ABCC12: variants seen among roughly 807,000 people sequenced by gnomAD.
The protein encoded by ABCC12 is ATP-binding cassette sub-family C member 12.
ABCC12 carries 142 observed loss-of-function variants against 151.1 expected under a neutral mutation model. The observed-to-expected ratio is 0.94, with a 90% confidence interval of 0.82 to 1.08. The LOEUF is 1.08. Ranked by LOEUF, ABCC12 falls within the 50% of genes least tolerant of loss-of-function variation. ABCC12 has a pLI of 0.00. For missense variants in ABCC12, 1,638 were observed against 1,691.1 expected (o/e 0.97, Z 0.55); for synonymous variants, 645 against 646.4 (o/e 1.00, Z 0.03).
At chr16:48,136,219 C>G (rs111878494) in intron 8 of ABCC12, among the ~76,000 whole-genome samples, 52 of 152,274 alleles carry the variant, frequency 3.4e-4, no homozygotes, top group Admixed American at 1.1e-3. Flanking sequence ...GAACATCCAG[C>G]ACCCCCTAGT....
intron 9 of ABCC12, among the ~76,000 whole-genome samples, chr16:48,132,873 G>A (rs1964475779): frequency 6.6e-6 from 1 of 152,126 alleles, no homozygotes. Context: ...CGTCCCATTT[G>A]CAGATTACAA....
intron 2 of ABCC12, among the ~76,000 whole-genome samples, chr16:48,150,266 A>T (rs1285890083): frequency 6.6e-6 from 1 of 152,208 alleles, no homozygotes; most frequent in African/African-American, 2.4e-5. Flanking sequence ...TCCACAGAGG[A>T]TGGAATCTCA....
At position 48,091,047 on chromosome 16, in the gene ABCC12, A is replaced by G. The variant is rs1962863084; in HGVS notation, c.3285+73T>C. 83 of 1,440,100 alleles carry G rather than the reference A, an allele frequency of 5.8e-5. No homozygotes were observed. The South Asian group carries it at 9.4e-4, about 16-fold the overall frequency. 89.2% of individuals were successfully genotyped at this position (1,440,100 alleles called of 1,614,324 possible). Reference sequence around the variant, plus strand: ...TTTTAAAAAGACCCCTTTCGCATCTAAAAAGATCCAGTATTTGCCCAAGTC... The same window carrying G: ...TTTTAAAAAGACCCCTTTCGCATCTGAAAAGATCCAGTATTTGCCCAAGTC... On this transcript the variant is annotated intron_variant, in intron 25 of 30. Transcript: ENST00000311303.
chr16:48,094,411 G>A (rs962583329), intron 24 of ABCC12, among the ~76,000 whole-genome samples: 2 of 152,206 alleles, frequency 1.3e-5, no homozygotes, highest in Non-Finnish European at 1.5e-5. Flanking sequence ...GATGGAAAGA[G>A]GACGAAAGCC....
chr16:48,153,023 C>G (rs1029067215), intron 2 of ABCC12, among the ~76,000 whole-genome samples: 1 of 152,116 alleles, frequency 6.6e-6, no homozygotes, highest in Non-Finnish European at 1.5e-5. Context: ...TCAAGTCACC[C>G]GCCTGACCCT....
chr16:48,084,598 A>G (rs1962502475), intron 29 of ABCC12, among the ~76,000 whole-genome samples: 1 of 152,206 alleles, frequency 6.6e-6, no homozygotes, highest in African/African-American at 2.4e-5. Context: ...CTTGGCCCAC[A>G]GCCCCTCCTG....
At chr16:48,087,326 C>A (rs1962659462) in intron 27 of ABCC12, 1 of 158,518 alleles carries the variant, frequency 6.3e-6, no homozygotes, top group South Asian at 1.9e-4. Context: ...ACAGTAAATA[C>A]AGTTACCCTA....
chr16:48,111,379 G>A (rs1018914920), intron 18 of ABCC12, 57 bp downstream of exon 18: 148 of 1,570,092 alleles, frequency 9.4e-5, no homozygotes, highest in South Asian at 6.6e-4. Flanking sequence ...TATCCCAAAC[G>A]GTAGATGCCC....
At position 48,091,168 on chromosome 16, in the gene ABCC12, C is replaced by T. The variant is rs774434636; in HGVS notation, c.3237G>A (p.Glu1079=). ...CCACGGAGGTGAATTTGGCTTGCGT[C>T]TCTGTTCCCGTTCGCACACACACTT... ...LLQVCVRTGT[E]TQAKFTSVEL... Residue 1079 remains glutamate (E), a synonymous_variant, in exon 25 of 31, where the codon GAG becomes GAA. Coordinates refer to ENST00000311303, the MANE Select transcript of ABCC12 (RefSeq NM_001393797.1). 1.4e-4 allele frequency: 229 copies of T among 1,614,174 alleles called. 2 individuals are homozygous for T. Among genetic ancestry groups the T allele is most frequent in the Middle Eastern group, 4.9e-4 (3 of 6,062 alleles).
intron 28 of ABCC12, 104 bp downstream of exon 28, chr16:48,086,637 G>A: frequency 1.0e-6 from 1 of 952,954 alleles, no homozygotes; most frequent in Non-Finnish European, 1.7e-6. Flanking sequence ...AAATAAACCT[G>A]GCTAAGTGCT....
In ABCC12 at chr16:48,119,661, A is replaced by C. The variant is rs1396657893; in HGVS notation, c.1712+2055T>G. 3.3e-5 allele frequency among the ~76,000 whole-genome samples: 5 copies of C among 152,252 alleles called. No individual in the cohort carries two copies. In the East Asian group the frequency reaches 9.6e-4, roughly 29 times the overall value. ...TCTTGATGAGAACATACATGCTGCC[A>C]TACCAGCCAGCAGGGACAGAGTTGG... On this transcript the variant is annotated intron_variant, in intron 13 of 30. Transcript: ENST00000311303.
chr16:48,115,407 C>T lies in ABCC12; in HGVS notation c.1989+8G>A. 1.2e-6 allele frequency: 2 copies of T among 1,613,538 alleles called. No individual in the cohort carries two copies. Among genetic ancestry groups the T allele is most frequent in the Non-Finnish European group, 1.7e-6 (2 of 1,179,710 alleles). On this transcript the variant is annotated splice_region_variant and intron_variant, in intron 15 of 30. Transcript: ENST00000311303. ...CCGTGACCTCCTGGATCCTGCATGT[C>T]CCATCACCTGTAGCTGGTGGGTCAC...
chr16:48,085,655 T>G lies in ABCC12; in HGVS notation c.3766A>C (p.Asn1256His), dbSNP rs745504871. Residue 1256 changes from asparagine (N) to histidine (H), a missense_variant, in exon 29 of 31, where the codon AAC becomes CAC. Coordinates refer to ENST00000311303, the MANE Select transcript of ABCC12 (RefSeq NM_001393797.1). ...AGCTGACGTTCCCCTACTGAGAAGT[T>G]TTCTCCATTTTCTGTGACTTCTGCC... ...LQAEVTENGE[N>H]FSVGERQLLC... The G allele has an allele frequency of 8.7e-6, 14 of 1,614,194 alleles. No homozygotes were observed. The South Asian group carries it at 1.5e-4, about 18-fold the overall frequency.
At position 48,091,132 on chromosome 16, in the gene ABCC12, C is replaced by T. The variant is rs902255107; in HGVS notation, c.3273G>A (p.Arg1091=). 6.2e-7 allele frequency: 1 copy of T among 1,614,186 alleles called. No individual in the cohort carries two copies. Residue 1091 remains arginine (R), a synonymous_variant, in exon 25 of 31, where the codon AGG becomes AGA. Transcript: ENST00000311303. Reference sequence around the variant, plus strand: ...ACTAATTTCTTACCGAAATGTATTCCCTGAGCAGCTCCACGGAGGTGAATT... The same window carrying T: ...ACTAATTTCTTACCGAAATGTATTCTCTGAGCAGCTCCACGGAGGTGAATT... The part of the protein sequence containing the change: ...QAKFTSVELL[R]EYISTCVPEC...
intron 3 of ABCC12, 134 bp from the exon 4 acceptor site, chr16:48,144,199 T>C: frequency 8.6e-7 from 1 of 1,168,788 alleles, no homozygotes; most frequent in Non-Finnish European, 1.2e-6. Flanking sequence ...ATTATGTTTA[T>C]TAGCCCTTTG....
chr16:48,122,228 G>A (rs1964095413), intron 12 of ABCC12, among the ~76,000 whole-genome samples: 1 of 152,214 alleles, frequency 6.6e-6, no homozygotes, highest in South Asian at 2.1e-4. Context: ...TGCTCAGCCA[G>A]GCCCTGGGAG....
intron 13 of ABCC12, among the ~76,000 whole-genome samples, chr16:48,119,258 G>A (rs994078980): frequency 1.4e-4 from 21 of 152,164 alleles, no homozygotes; most frequent in Non-Finnish European, 2.6e-4. Context: ...ATCCGAGCAC[G>A]GTCTACTGCC....
chr16:48,084,079 G>C lies in ABCC12; in HGVS notation c.3829-6C>G, dbSNP rs775536359. On this transcript the variant is annotated splice_polypyrimidine_tract_variant and splice_region_variant and intron_variant, in intron 29 of 30. Transcript: ENST00000311303. ...GCTTCATCAAGGAGAATGATCTGTG[G>C]AGGAGGAAACATTATAAGCCAAAGG... 4.4e-6 allele frequency: 7 copies of C among 1,603,290 alleles called. No individual in the cohort carries two copies. In the African/African-American group the frequency reaches 6.7e-5, roughly 15 times the overall value.
chr16:48,111,648 A>G lies in ABCC12; in HGVS notation c.2139T>C (p.Leu713=). 1.2e-6 allele frequency: 2 copies of G among 1,613,972 alleles called. No individual in the cohort carries two copies. Among genetic ancestry groups the G allele is most frequent in the Admixed American group, 3.3e-5 (2 of 59,990 alleles). The change falls in exon 17 of 31, where the codon CTT becomes CTC. Residue 713 remains leucine, a synonymous_variant. Transcript: ENST00000311303. ...AGGCTTCCACCATTGCTGCATTGTAAAGGTGTTCAGGATCCTGGAGACAAA... is the reference window on the plus strand; with the variant it reads ...AGGCTTCCACCATTGCTGCATTGTAGAGGTGTTCAGGATCCTGGAGACAAA... ...RGLQFKDPEH[L]YNAAMVEAFK... is the part of the protein sequence containing the mutation.
Sources: allele counts gnomAD v4.1 joint callset (sites outside exome capture counted in the v4.1 genomes callset), GRCh38; gene constraint gnomAD v4.1.1; transcripts MANE v1.5; gene names NCBI Gene and HGNC (gene_info 2026-07-23, HGNC 2026-07-21).